EIF3H: variants seen among roughly 807,000 people sequenced by gnomAD.
EIF3H encodes eIF-3-gamma.
Under a neutral mutation model 44.2 loss-of-function variants are expected in EIF3H, and 26 were observed. The ratio of observed to expected loss-of-function variants is 0.59; its 90% CI spans 0.43 to 0.82. The LOEUF is 0.82. Ranked by LOEUF, EIF3H falls within the 40% of genes least tolerant of loss-of-function variation. The probability of loss-of-function intolerance (pLI) is 0.00; values close to 1 mark genes in which losing one functional copy is unlikely to be tolerated. For missense variants in EIF3H, 359 were observed against 432.8 expected, an observed-to-expected ratio of 0.83 and a Z score of 1.51; for synonymous variants, 166 against 151.9, an observed-to-expected ratio of 1.09 and a Z score of -0.68.
At chr8:116,759,758 C>T (rs1815499752), upstream of EIF3H, among the ~76,000 whole-genome samples, 1 of 151,966 alleles carries the variant, frequency 6.6e-6, no homozygotes, top group Non-Finnish European at 1.5e-5. Flanking sequence ...CTTGCCGTGT[C>T]TTACTTTGTT....
At chr8:116,655,474 C>T (rs755764683) in intron 5 of EIF3H, among the ~76,000 whole-genome samples, 1 of 151,968 alleles carries the variant, frequency 6.6e-6, no homozygotes, top group Non-Finnish European at 1.5e-5. Flanking sequence ...TGTTCTTTTC[C>T]TGAGCATTAT....
Position 116,755,729 on chromosome 8 carries a change from C to G in EIF3H, c.69G>C (p.Gly23=), listed in dbSNP as rs762497959. 2 of 1,613,862 alleles carry G rather than the reference C, an allele frequency of 1.2e-6. No homozygotes were observed. Among genetic ancestry groups the G allele is most frequent in the Admixed American group, 1.7e-5 (1 of 60,020 alleles). Residue 23 remains glycine, a synonymous_variant, in exon 1 of 8, where the codon GGG becomes GGC. Coordinates refer to ENST00000521861, the MANE Select transcript of EIF3H (RefSeq NM_003756.3). ...TSSSSTAGAA[G]KGKGKGGSGD... ...CCGAGCCGCCTTTGCCTTTGCCTTT[C>G]CCTGCTGCGCCGGCGGTGGAGCTGG...
chr8:116,694,845 C>T (rs1814240800), intron 2 of EIF3H, among the ~76,000 whole-genome samples: 1 of 152,088 alleles, frequency 6.6e-6, no homozygotes, highest in South Asian at 2.1e-4. Context: ...CATATACTAG[C>T]AAGGCAGATA....
chr8:116,659,200 T>A (rs964839596), intron 2 of EIF3H, among the ~76,000 whole-genome samples: 5 of 152,320 alleles, frequency 3.3e-5, no homozygotes, highest in African/African-American at 2.4e-5. Context: ...GAAAAAATAT[T>A]TTGTAGAAAA....
At chr8:116,680,549 ACATGTGCTGTGTCCACTC>A (rs2130841779) in intron 2 of EIF3H, among the ~76,000 whole-genome samples, 1 of 91,610 alleles carries the variant, frequency 1.1e-5, no homozygotes, top group Admixed American at 1.2e-4. Flanking sequence ...GCTCTCTGAA[ACATGTGCTGTGTCCACTC>A]AGGGTTAAAT....
chr8:116,727,427 G>A (rs1183790189), intron 1 of EIF3H, among the ~76,000 whole-genome samples: 2 of 152,220 alleles, frequency 1.3e-5, no homozygotes, highest in African/African-American at 4.8e-5. Flanking sequence ...AAACTGAGAA[G>A]AGTCCAGCCT....
At chr8:116,730,829 T>C (rs1397269495) in intron 1 of EIF3H, among the ~76,000 whole-genome samples, 1 of 152,246 alleles carries the variant, frequency 6.6e-6, no homozygotes, top group African/African-American at 2.4e-5. Context: ...TCACTTATGA[T>C]ATGTCAAGCA....
chr8:116,711,796 T>C (rs767931305), intron 2 of EIF3H, among the ~76,000 whole-genome samples: 14 of 152,240 alleles, frequency 9.2e-5, no homozygotes, highest in Non-Finnish European at 1.6e-4. Flanking sequence ...CACCTTTCAA[T>C]AATCTGATTC....
intron 3 of EIF3H, 83 bp from the exon 4 acceptor site, chr8:116,657,397 T>C: frequency 2.1e-6 from 2 of 971,200 alleles, no homozygotes; most frequent in Non-Finnish European, 3.2e-6. Context: ...CACATTCTGT[T>C]ACATATCGCA....
chr8:116,736,208 A>G (rs1586484970), intron 1 of EIF3H, among the ~76,000 whole-genome samples: 1 of 152,222 alleles, frequency 6.6e-6, no homozygotes, highest in East Asian at 1.9e-4. Context: ...GCTGATAGAT[A>G]AGTGGTTGCC....
At chr8:116,713,877 T>C (rs1814615684) in intron 2 of EIF3H, among the ~76,000 whole-genome samples, 1 of 152,096 alleles carries the variant, frequency 6.6e-6, no homozygotes, top group Non-Finnish European at 1.5e-5. Context: ...TAATTCAGTG[T>C]ACAGATTCTC....
intron 6 of EIF3H, among the ~76,000 whole-genome samples, chr8:116,647,394 C>T (rs867407123): frequency 6.6e-6 from 1 of 151,944 alleles, no homozygotes. Flanking sequence ...GCCACCACTC[C>T]TGGCCTATTG....
Position 116,646,457 on chromosome 8 carries a change from C to G in EIF3H, c.961+14G>C. 6.2e-7 allele frequency: 1 copy of G among 1,614,110 alleles called. No homozygotes were observed. Among genetic ancestry groups the G allele is most frequent in the Non-Finnish European group, 8.5e-7 (1 of 1,179,992 alleles). The stretch of plus-strand genomic sequence containing the variant: ...CGAACAAAACCAGCCAGGTTTTGCA[C>G]TGGGCAACAATACCTGCAATGAGCA... On this transcript the variant is annotated intron_variant, in intron 7 of 7. Transcript: ENST00000521861.
intron 2 of EIF3H, among the ~76,000 whole-genome samples, chr8:116,660,818 C>T (rs920311157): frequency 1.3e-5 from 2 of 152,174 alleles, no homozygotes; most frequent in African/African-American, 4.8e-5. Flanking sequence ...ACTTTGTATA[C>T]CAAACCAGTG....
chr8:116,739,217 C>T (rs1231246332), intron 1 of EIF3H, among the ~76,000 whole-genome samples: 1 of 152,242 alleles, frequency 6.6e-6, no homozygotes, highest in Admixed American at 6.5e-5. Flanking sequence ...AGGACATGCT[C>T]AAGTCTTAAC....
At chr8:116,680,933 C>T (rs1303763577) in intron 2 of EIF3H, among the ~76,000 whole-genome samples, 1 of 142,446 alleles carries the variant, frequency 7.0e-6, no homozygotes, top group Non-Finnish European at 1.5e-5. Flanking sequence ...GATGGGCTGA[C>T]AATATTGGGA....
At chr8:116,648,710 A>C (rs1813343987) in intron 6 of EIF3H, 96 bp downstream of exon 6, 4 of 1,413,922 alleles carry the variant, frequency 2.8e-6, no homozygotes, top group African/African-American at 1.5e-5. Context: ...AACGGTCAAT[A>C]ATTTACCAAA....
intron 2 of EIF3H, among the ~76,000 whole-genome samples, chr8:116,714,720 G>A (rs988087641): frequency 6.6e-6 from 1 of 151,762 alleles, no homozygotes; most frequent in Non-Finnish European, 1.5e-5. Flanking sequence ...TGCAACAAAA[G>A]AAAGAGAGTT....
At chr8:116,752,665 G>GAAAGA (rs1271576970) in intron 1 of EIF3H, among the ~76,000 whole-genome samples, 1 of 62,554 alleles carries the variant, frequency 1.6e-5, no homozygotes, top group Non-Finnish European at 3.0e-5. Context: ...AGACAGAAAT[G>GAAAGA]AAGAAAGAAA....
Sources: gnomAD v4.1 joint callset for allele counts (sites outside exome capture counted in the v4.1 genomes callset) on GRCh38, gnomAD v4.1.1 for gene constraint, MANE v1.5 for transcripts, NCBI Gene and HGNC (gene_info 2026-07-23, HGNC 2026-07-21) for gene names.